CD40: variants seen among roughly 807,000 people sequenced by gnomAD.
CD40 encodes CD40 molecule.
Under a neutral mutation model 38.5 loss-of-function variants are expected in CD40, and 19 were observed. That is an observed-to-expected ratio of 0.49 (90% CI 0.34 to 0.72). The LOEUF (loss-of-function observed/expected upper bound fraction) is 0.72, where lower values mean the gene tolerates loss of function less well. Among genes scored for constraint, CD40 ranks in the 30% least tolerant of loss-of-function variants. The pLI, the probability that CD40 is intolerant of heterozygous loss-of-function variation, is 0.01. For missense variants in CD40, 256 were observed against 344.1 expected, an observed-to-expected ratio of 0.74 and a Z score of 2.03; for synonymous variants, 130 against 128.7, an observed-to-expected ratio of 1.01 and a Z score of -0.07.
chr20:46,122,908 G>GTCTGCA lies in CD40; in HGVS notation c.403+152_403+153insTCTGCA. ...ATCCCCACTGGAGTGAGCTGCAGAC[G>GTCTGCA]GGACCTTGTTCATTCTGCCTTCTGC... On this transcript the variant is annotated intron_variant, in intron 4 of 8. Coordinates refer to ENST00000372285, the MANE Select transcript of CD40 (RefSeq NM_001250.6). This position sits in a 1 kb window ranked among gnomAD's most constrained non-coding sequence, Gnocchi z 5.0. 1.9e-6 allele frequency: 2 copies of GTCTGCA among 1,043,224 alleles called. No homozygotes were observed. The highest frequency in any genetic ancestry group is 2.8e-6 in the Non-Finnish European group (2 of 707,004). 64.6% of individuals were successfully genotyped at this position (1,043,224 alleles called of 1,614,324 possible).
At position 46,122,249 on chromosome 20, in the gene CD40, T is replaced by C. The variant is rs541686651; in HGVS notation, c.147T>C (p.Ser49=). ...GTTTTCCAGGACAGAAACTGGTGAG[T>C]GACTGCACAGAGTTCACTGAAACGG... is the stretch of plus-strand genomic sequence containing the variant. ...SLCQPGQKLV[S]DCTEFTETEC... The change falls in exon 3 of 9, where the codon AGT becomes AGC. Residue 49 remains serine, a synonymous_variant. Coordinates refer to ENST00000372285, the MANE Select transcript of CD40 (RefSeq NM_001250.6). The surrounding 1 kb of genome is among the most constrained non-coding windows in gnomAD (Gnocchi z 5.0). 122 of 1,614,110 alleles carry C rather than the reference T, an allele frequency of 7.6e-5. 1 individual carries two copies. The South Asian group carries it at 1.3e-3, about 17-fold the overall frequency.
At chr20:46,128,563 C>T in intron 8 of CD40, 1 of 717,526 alleles carries the variant, frequency 1.4e-6, no homozygotes. Flanking sequence ...GCACCACTGG[C>T]AGAGCCTAAC....
chr20:46,127,940 A>G, intron 6 of CD40, 198 bp from the exon 7 acceptor site: 1 of 1,026,294 alleles, frequency 9.7e-7, no homozygotes, highest in Non-Finnish European at 1.4e-6. Flanking sequence ...GTCGGCAAAT[A>G]TTTCCAAACG....
At position 46,129,026 on chromosome 20, in the gene CD40, C is replaced by T. The variant is rs2085500105; in HGVS notation, c.820C>T (p.Gln274Ter). 1 of 1,614,138 alleles carries T rather than the reference C, an allele frequency of 6.2e-7. No homozygotes were observed. The highest frequency in any genetic ancestry group is 1.1e-5 in the South Asian group (1 of 91,090). Residue 274 changes from glutamine to a stop codon, truncating the protein, a stop_gained, in exon 9 of 9, where the codon CAG becomes TAG. Transcript: ENST00000372285. LOFTEE classifies it high-confidence loss of function. ...TGGCAAAGAGAGTCGCATCTCAGTG[C>T]AGGAGAGACAGTGAGGCTGCACCCA... ...EDGKESRISVQERQ is the reference protein window; with the variant it reads ...EDGKESRISV
At chr20:46,127,910 T>C in intron 6 of CD40, 2 of 767,102 alleles carry the variant, frequency 2.6e-6, no homozygotes, top group Middle Eastern at 3.8e-4. Context: ...TTTGAATATG[T>C]GATCTCCCAG....
Position 46,122,774 on chromosome 20 carries a change from G to A in CD40, c.403+18G>A. 1.9e-6 allele frequency: 3 copies of A among 1,614,110 alleles called. No individual in the cohort carries two copies. The highest frequency in any genetic ancestry group is 1.1e-5 in the South Asian group (1 of 91,092). ...GCAGATTGGTAAGTGGCTCATCTGG[G>A]AATCAGTTTTGGAGGGGGACAGAGG... On this transcript the variant is annotated intron_variant, in intron 4 of 8. Coordinates refer to ENST00000372285, the MANE Select transcript of CD40 (RefSeq NM_001250.6). This position sits in a 1 kb window ranked among gnomAD's most constrained non-coding sequence, Gnocchi z 5.0.
In CD40 at chr20:46,129,030, A is replaced by G; in HGVS notation, c.824A>G (p.Glu275Gly). The G allele has an allele frequency of 1.2e-6, 2 of 1,614,150 alleles. No individual in the cohort carries two copies. The highest frequency in any genetic ancestry group is 1.7e-6 in the Non-Finnish European group (2 of 1,180,022). ...AAAGAGAGTCGCATCTCAGTGCAGG[A>G]GAGACAGTGAGGCTGCACCCACCCA... ...DGKESRISVQ[E>G]RQ The change falls in exon 9 of 9, where the codon GAG becomes GGG. Residue 275 changes from glutamate to glycine, a missense_variant. Coordinates refer to ENST00000372285, the MANE Select transcript of CD40 (RefSeq NM_001250.6).
intron 5 of CD40, among the ~76,000 whole-genome samples, chr20:46,125,997 C>T (rs1198526314): frequency 6.6e-6 from 1 of 152,218 alleles, no homozygotes; most frequent in Non-Finnish European, 1.5e-5. Context: ...TCCTTTAGGG[C>T]CCACTCAGGT....
chr20:46,126,616 A>C (rs1415244908), intron 5 of CD40, 24 bp from the exon 6 acceptor site: 1 of 1,613,884 alleles, frequency 6.2e-7, no homozygotes, highest in Non-Finnish European at 8.5e-7. Flanking sequence ...GTGTGTGTGC[A>C]TTTGTGCACG....
chr20:46,120,030 G>C (rs1229115913), intron 1 of CD40, among the ~76,000 whole-genome samples: 2 of 152,184 alleles, frequency 1.3e-5, no homozygotes, highest in Non-Finnish European at 2.9e-5. Context: ...GCAATGAGCT[G>C]GTGGGGGGCA....
Position 46,123,228 on chromosome 20 carries a change from A to G in CD40, c.497+9A>G. ...TGTCACCCTTGGACAAGGTATAAGC[A>G]CTCATCCCTTGTGTTTCCTGCTCTA... is the stretch of plus-strand genomic sequence containing the variant. On this transcript the variant is annotated intron_variant, in intron 5 of 8. Coordinates refer to ENST00000372285, the MANE Select transcript of CD40 (RefSeq NM_001250.6). 3 of 1,601,072 alleles carry G rather than the reference A, an allele frequency of 1.9e-6. No individual in the cohort carries two copies. The highest frequency in any genetic ancestry group is 2.6e-6 in the Non-Finnish European group (3 of 1,168,262).
At position 46,126,682 on chromosome 20, in the gene CD40, C is replaced by T; in HGVS notation, c.540C>T (p.Asn180=). 6.2e-7 allele frequency: 1 copy of T among 1,614,104 alleles called. No homozygotes were observed. ...KDLVVQQAGT[N]KTDVVCGPQD... The stretch of plus-strand genomic sequence containing the variant: ...TGGTTGTGCAACAGGCAGGCACAAA[C>T]AAGACTGATGTTGTCTGTGGTGAGT... Residue 180 remains asparagine, a synonymous_variant, in exon 6 of 9, where the codon AAC becomes AAT. Coordinates refer to ENST00000372285, the MANE Select transcript of CD40 (RefSeq NM_001250.6).
At chr20:46,118,690 G>C (rs1205146757) in intron 1 of CD40, among the ~76,000 whole-genome samples, 2 of 152,202 alleles carry the variant, frequency 1.3e-5, no homozygotes, top group African/African-American at 2.4e-5. Flanking sequence ...GCCACACAGA[G>C]ACTGGTAGGG....
intron 6 of CD40, chr20:46,127,066 A>G (rs754619036): frequency 5.9e-5 from 21 of 354,092 alleles, no homozygotes; most frequent in Non-Finnish European, 1.0e-4. Flanking sequence ...GCACACCAAC[A>G]TGGTACATGT....
rs886056717 is a variant in CD40 at position 46,122,692 on chromosome 20, T to C, written c.339T>C (p.Ser113=). 3 of 1,613,934 alleles carry C rather than the reference T, an allele frequency of 1.9e-6. No individual in the cohort carries two copies. The highest frequency in any genetic ancestry group is 2.5e-6 in the Non-Finnish European group (3 of 1,179,974). Residue 113 remains serine (S), a synonymous_variant, in exon 4 of 9, where the codon AGT becomes AGC. Transcript: ENST00000372285. This position sits in a 1 kb window ranked among gnomAD's most constrained non-coding sequence, Gnocchi z 5.0. ...CTCEEGWHCT[S]EACESCVLHR... ...GTGAAGAAGGCTGGCACTGTACGAGTGAGGCCTGTGAGAGCTGTGTCCTGC... is the reference window on the plus strand; with the variant it reads ...GTGAAGAAGGCTGGCACTGTACGAGCGAGGCCTGTGAGAGCTGTGTCCTGC...
Position 46,123,000 on chromosome 20 carries a change from T to TA in CD40, c.404-125dup, listed in dbSNP as rs1449553175. 5.5e-6 allele frequency: 5 copies of TA among 909,838 alleles called. No homozygotes were observed. The African/African-American group carries it at 8.1e-5, about 15-fold the overall frequency. The allele number at this position is 909,838 out of a possible 1,614,324, so 56.4% of individuals were successfully genotyped here. ...TGGGGACTGCAGCTGTCGGGGGCAG[T>TA]ACCACATCGGGGGAAGAGTGCTCAA... On this transcript the variant is annotated intron_variant, in intron 4 of 8. Transcript: ENST00000372285. This position sits in a 1 kb window ranked among gnomAD's most constrained non-coding sequence, Gnocchi z 5.0.
rs190708231 is a variant in CD40 at position 46,122,472 on chromosome 20, G to A, written c.256+114G>A. The A allele has an allele frequency of 3.2e-6, 5 of 1,564,378 alleles. No homozygotes were observed. The East Asian group carries it at 1.1e-4, about 35-fold the overall frequency. Reference sequence around the variant, plus strand: ...GCTCTGATTGGTTGGAGTCCGGGCTGTACTGATCATTAAATGATTTGATTG... The same window carrying A: ...GCTCTGATTGGTTGGAGTCCGGGCTATACTGATCATTAAATGATTTGATTG... On this transcript the variant is annotated intron_variant, in intron 3 of 8. Coordinates refer to ENST00000372285, the MANE Select transcript of CD40 (RefSeq NM_001250.6). The surrounding 1 kb of genome is among the most constrained non-coding windows in gnomAD (Gnocchi z 5.0).
intron 1 of CD40, among the ~76,000 whole-genome samples, chr20:46,119,234 G>A (rs1266814594): frequency 1.3e-5 from 2 of 152,218 alleles, no homozygotes; most frequent in African/African-American, 2.4e-5. Context: ...CTGGAGGCTG[G>A]GAATCCCCCA....
rs766169434 is a variant in CD40 at position 46,122,221 on chromosome 20, G to C, written c.131-12G>C. 2 of 1,614,132 alleles carry C rather than the reference G, an allele frequency of 1.2e-6. No individual in the cohort carries two copies. Among genetic ancestry groups the C allele is most frequent in the Non-Finnish European group, 1.7e-6 (2 of 1,180,020 alleles). On this transcript the variant is annotated splice_polypyrimidine_tract_variant and intron_variant, in intron 2 of 8. Coordinates refer to ENST00000372285, the MANE Select transcript of CD40 (RefSeq NM_001250.6). The surrounding 1 kb of genome is among the most constrained non-coding windows in gnomAD (Gnocchi z 5.0). ...TGGCCAGAGCCCTCCCTCATTTCCT[G>C]ATGTTTTCCAGGACAGAAACTGGTG...
Sources: gnomAD v4.1 joint callset for allele counts (sites outside exome capture counted in the v4.1 genomes callset) on GRCh38, gnomAD v4.1.1 for gene constraint, Gnocchi (gnomAD v3.1) non-coding constraint, MANE v1.5 for transcripts, NCBI Gene and HGNC (gene_info 2026-07-23, HGNC 2026-07-21) for gene names.